Variants in ROBO2 observed in about 807,000 individuals in gnomAD.
The protein encoded by ROBO2 is roundabout homolog 2.
ROBO2 carries 53 observed loss-of-function variants against 160.8 expected under a neutral mutation model. The ratio of observed to expected loss-of-function variants is 0.33; its 90% CI spans 0.26 to 0.41. The LOEUF (loss-of-function observed/expected upper bound fraction) is 0.41, where lower values mean the gene tolerates loss of function less well. Among genes scored for constraint, ROBO2 ranks in the 10% least tolerant of loss-of-function variants. The pLI is 1.00. For missense variants in ROBO2, 1,577 were observed against 1,722.4 expected, an observed-to-expected ratio of 0.92 and a Z score of 1.49; for synonymous variants, 664 against 611.7, an observed-to-expected ratio of 1.09 and a Z score of -1.26.
intron 2 of ROBO2, among the ~76,000 whole-genome samples, chr3:76,756,487 A>C (rs2060978416): frequency 6.6e-6 from 1 of 151,884 alleles, no homozygotes; most frequent in South Asian, 2.1e-4. Flanking sequence ...ATATACTTTC[A>C]AATGACCAAT....
intron 2 of ROBO2, among the ~76,000 whole-genome samples, chr3:76,245,140 A>G (rs981754393): frequency 7.2e-5 from 11 of 152,230 alleles, no homozygotes; most frequent in African/African-American, 2.4e-4. Context: ...TTTAATACTT[A>G]AATATTTCTC....
chr3:76,890,229 A>G (rs922832256), intron 2 of ROBO2, among the ~76,000 whole-genome samples: 14 of 73,802 alleles, frequency 1.9e-4, no homozygotes, highest in African/African-American at 6.5e-4. Context: ...ATCGTATGCT[A>G]TTTAACAGTC....
At chr3:76,509,553 A>G (rs763988602) in intron 2 of ROBO2, among the ~76,000 whole-genome samples, 12 of 152,158 alleles carry the variant, frequency 7.9e-5, no homozygotes, top group Non-Finnish European at 5.9e-5. Flanking sequence ...GCATGTTTAC[A>G]TGGTACCTGT....
intron 2 of ROBO2, among the ~76,000 whole-genome samples, chr3:77,440,469 AC>A (rs1465676359): frequency 6.6e-6 from 1 of 152,176 alleles, no homozygotes; most frequent in Admixed American, 6.5e-5. Flanking sequence ...GTTAAAATGT[AC>A]TTTTATAATG....
At chr3:77,360,048 C>T (rs187806087) in intron 2 of ROBO2, among the ~76,000 whole-genome samples, 73 of 152,224 alleles carry the variant, frequency 4.8e-4, no homozygotes, top group African/African-American at 1.6e-3. Context: ...AGTTGAAGTA[C>T]TAAATCTCTG....
At chr3:77,303,159 C>T (rs547297538) in intron 2 of ROBO2, among the ~76,000 whole-genome samples, 4 of 152,276 alleles carry the variant, frequency 2.6e-5, no homozygotes, top group Middle Eastern at 3.4e-3. Flanking sequence ...GGTATAACCG[C>T]ACCTCCATGC....
intron 2 of ROBO2, among the ~76,000 whole-genome samples, chr3:77,102,534 C>G (rs185073662): frequency 4.8e-4 from 73 of 152,210 alleles, no homozygotes; most frequent in African/African-American, 1.6e-3. Context: ...CAACTTTTAT[C>G]ATAAAATGAT....
intron 2 of ROBO2, among the ~76,000 whole-genome samples, chr3:76,878,808 A>G (rs901203925): frequency 6.6e-6 from 1 of 152,180 alleles, no homozygotes; most frequent in African/African-American, 2.4e-5. Context: ...GGCTTACAAG[A>G]TAGCCATCAA....
chr3:76,503,022 G>A (rs956403414), intron 2 of ROBO2, among the ~76,000 whole-genome samples: 15 of 141,436 alleles, frequency 1.1e-4, no homozygotes, highest in South Asian at 2.1e-4. Flanking sequence ...GTGTGTGTGC[G>A]CGCGCACGCA....
intron 2 of ROBO2, among the ~76,000 whole-genome samples, chr3:77,122,814 G>A (rs2074911651): frequency 1.3e-5 from 2 of 152,196 alleles, no homozygotes; most frequent in South Asian, 4.1e-4. Flanking sequence ...ATGTCGACAA[G>A]CCATCTCTGA....
intron 2 of ROBO2, among the ~76,000 whole-genome samples, chr3:76,504,244 A>G (rs1179265633): frequency 2.9e-4 from 44 of 152,220 alleles, no homozygotes; most frequent in Non-Finnish European, 4.4e-5. Context: ...CATGTTCACT[A>G]TGCAGTTGTA....
At chr3:76,611,051 G>A (rs1040448267) in intron 2 of ROBO2, among the ~76,000 whole-genome samples, 1 of 152,186 alleles carries the variant, frequency 6.6e-6, no homozygotes, top group Non-Finnish European at 1.5e-5. Context: ...GAACGGTGGA[G>A]TGTGGGCTGA....
At chr3:76,083,494 T>C (rs2068905968) in intron 2 of ROBO2, among the ~76,000 whole-genome samples, 2 of 152,070 alleles carry the variant, frequency 1.3e-5, no homozygotes, top group African/African-American at 4.8e-5. Context: ...AGCAACAGCA[T>C]GGGAAGGAAA....
At chr3:77,176,491 A>G (rs995524933) in intron 2 of ROBO2, among the ~76,000 whole-genome samples, 1 of 152,024 alleles carries the variant, frequency 6.6e-6, no homozygotes, top group Non-Finnish European at 1.5e-5. Context: ...GTTTAAAATT[A>G]TAATGGAAGT....
chr3:76,414,132 C>T (rs1040280108), intron 2 of ROBO2, among the ~76,000 whole-genome samples: 1 of 150,576 alleles, frequency 6.6e-6, no homozygotes, highest in Non-Finnish European at 1.5e-5. Context: ...AAGAACAGCC[C>T]CCATGATTCA....
At chr3:77,213,472 CT>C (rs895050573) in intron 2 of ROBO2, among the ~76,000 whole-genome samples, 1 of 151,780 alleles carries the variant, frequency 6.6e-6, no homozygotes, top group African/African-American at 2.4e-5. Context: ...TCTCTCTTTT[CT>C]TTTTTATTAG....
At chr3:76,979,028 A>G (rs188405068) in intron 2 of ROBO2, among the ~76,000 whole-genome samples, 310 of 151,834 alleles carry the variant, frequency 2.0e-3, no homozygotes, top group African/African-American at 7.2e-3. Flanking sequence ...CTGTAGACTC[A>G]ACATCTTGAG....
chr3:77,460,058 G>C lies in ROBO2; in HGVS notation c.389-17356G>C, dbSNP rs145173643. ...GGAAGAATTGACTGTAGTGTGGACA[G>C]GAGTAAGAGTAAGATTGTTGAGTTG... On this transcript the variant is annotated intron_variant, in intron 2 of 25. Transcript: ENST00000461745. Among the ~76,000 whole-genome samples, 1,218 of 152,166 alleles carry C rather than the reference G, an allele frequency of 8.0e-3. 18 individuals are homozygous for C. The highest frequency in any genetic ancestry group is 0.028 in the African/African-American group (1,152 of 41,516).
At chr3:76,706,890 G>A (rs2093173964) in intron 2 of ROBO2, among the ~76,000 whole-genome samples, 1 of 151,942 alleles carries the variant, frequency 6.6e-6, no homozygotes, top group Non-Finnish European at 1.5e-5. Context: ...CTAAAACATG[G>A]TAAACCAATG....
Sources: allele counts gnomAD v4.1 joint callset (sites outside exome capture counted in the v4.1 genomes callset), GRCh38; gene constraint gnomAD v4.1.1; transcripts MANE v1.5; gene names NCBI Gene and HGNC (gene_info 2026-07-23, HGNC 2026-07-21).